The following MND1 variants were observed in gnomAD, a reference collection of about 807,000 sequenced individuals.
MND1 encodes the protein meiotic nuclear division protein 1 homolog.
In MND1, 28 loss-of-function variants were observed where a neutral mutation model predicts 35.1. The ratio of observed to expected loss-of-function variants is 0.80; its 90% CI spans 0.59 to 1.09. The LOEUF is 1.09. Among genes scored for constraint, MND1 ranks in the 50% least tolerant of loss-of-function variants. The pLI, the probability that MND1 is intolerant of heterozygous loss-of-function variation, is 0.00. For missense variants in MND1, 213 were observed against 239.6 expected, an observed-to-expected ratio of 0.89 and a Z score of 0.73; for synonymous variants, 69 against 70.5, an observed-to-expected ratio of 0.98 and a Z score of 0.11.
chr4:153,407,458 T>G (rs1432915290), intron 6 of MND1, among the ~76,000 whole-genome samples: 1 of 151,818 alleles, frequency 6.6e-6, no homozygotes, highest in Non-Finnish European at 1.5e-5. Context: ...CAAAACTCCA[T>G]CTCAAAAAAA....
chr4:153,376,364 T>C lies in MND1; in HGVS notation c.276+17742T>C, dbSNP rs1481387520. ...TTGTGGTCTTTCTGAATATTTTTTC[T>C]AAGGAAAAGCCAGGTAAAAATGTGT... is the stretch of plus-strand genomic sequence containing the variant. On this transcript the variant is annotated intron_variant, in intron 4 of 7. Coordinates refer to ENST00000240488, the MANE Select transcript of MND1 (RefSeq NM_032117.4). Among the ~76,000 whole-genome samples the C allele has an allele frequency of 2.0e-5, 3 of 152,302 alleles. No homozygotes were observed. The East Asian group carries it at 5.8e-4, about 29-fold the overall frequency.
Position 153,344,698 on chromosome 4 carries a change from A to C in MND1, c.-40A>C. The C allele has an allele frequency of 1.3e-6, 2 of 1,570,518 alleles. No homozygotes were observed. The highest frequency in any genetic ancestry group is 1.7e-6 in the Non-Finnish European group (2 of 1,160,090). On this transcript the variant is annotated 5_prime_UTR_variant, in exon 1 of 8. Coordinates refer to ENST00000240488, the MANE Select transcript of MND1 (RefSeq NM_032117.4). ...CCTGGCCTGTCCCGCCCCTCTCCCC[A>C]AGCGCGGGCCCGGCCAGCGGAAGCC...
At chr4:153,364,402 G>A (rs748202470) in intron 4 of MND1, among the ~76,000 whole-genome samples, 2 of 151,990 alleles carry the variant, frequency 1.3e-5, no homozygotes, top group South Asian at 2.1e-4. Context: ...CTGTGGTCCC[G>A]GCTATTCGAG....
At chr4:153,386,940 G>A in intron 4 of MND1, among the ~76,000 whole-genome samples, 1 of 152,170 alleles carries the variant, frequency 6.6e-6, no homozygotes, top group East Asian at 1.9e-4. Flanking sequence ...GGTGTTGTAG[G>A]GATGGTGCAG....
At chr4:153,355,754 G>C (rs774178885) in intron 3 of MND1, 43 bp downstream of exon 3, 1 of 1,164,264 alleles carries the variant, frequency 8.6e-7, no homozygotes, top group South Asian at 1.3e-5. Flanking sequence ...GAAATATACT[G>C]GGATGTTTTG....
At chr4:153,408,912 G>GTGTATATATATATA (rs936713652) in intron 6 of MND1, 59 bp from the exon 7 acceptor site, 4 of 281,220 alleles carry the variant, frequency 1.4e-5, no homozygotes, top group African/African-American at 1.0e-4. Context: ...CATTTTGTGT[G>GTGTATATATATATA]TATATATATA....
intron 2 of MND1, among the ~76,000 whole-genome samples, chr4:153,355,061 G>C (rs1417441685): frequency 6.6e-6 from 1 of 152,088 alleles, no homozygotes; most frequent in Non-Finnish European, 1.5e-5. Flanking sequence ...CTACTCAGGA[G>C]GCTGAAGTGG....
intron 4 of MND1, among the ~76,000 whole-genome samples, chr4:153,371,304 G>A (rs1389926365): frequency 1.3e-5 from 2 of 152,050 alleles, no homozygotes; most frequent in African/African-American, 4.8e-5. Flanking sequence ...TCTAATAAGA[G>A]TGTCAAGTGT....
At chr4:153,359,181 T>C (rs985119250) in intron 4 of MND1, among the ~76,000 whole-genome samples, 1 of 152,206 alleles carries the variant, frequency 6.6e-6, no homozygotes, top group East Asian at 1.9e-4. Context: ...AAAAATCCGC[T>C]GTTTCCTACT....
At chr4:153,357,912 A>C (rs1182680405) in intron 3 of MND1, among the ~76,000 whole-genome samples, 1 of 152,188 alleles carries the variant, frequency 6.6e-6, no homozygotes, top group African/African-American at 2.4e-5. Context: ...TTATTTAGAA[A>C]AGGAAAAGAT....
intron 2 of MND1, among the ~76,000 whole-genome samples, chr4:153,351,097 A>G (rs756787730): frequency 6.6e-6 from 1 of 152,182 alleles, no homozygotes; most frequent in Non-Finnish European, 1.5e-5. Context: ...TGAAGTCTCT[A>G]TGTGAAAATT....
intron 4 of MND1, chr4:153,381,581 C>T (rs1309559300): frequency 7.2e-6 from 1 of 139,014 alleles, no homozygotes; most frequent in African/African-American, 2.7e-5. Context: ...GTTTTGCTGC[C>T]CCCAAAGCAT....
intron 4 of MND1, among the ~76,000 whole-genome samples, chr4:153,359,059 C>T (rs895795196): frequency 3.9e-5 from 6 of 152,060 alleles, no homozygotes; most frequent in East Asian, 1.9e-4. Context: ...AACTAAATTC[C>T]GTAGCTTACA....
intron 4 of MND1, among the ~76,000 whole-genome samples, chr4:153,393,876 C>T (rs1424442446): frequency 2.6e-5 from 3 of 116,734 alleles, no homozygotes; most frequent in African/African-American, 6.6e-5. Context: ...CCTTGGTTTT[C>T]TTCAAATTGG....
intron 2 of MND1, among the ~76,000 whole-genome samples, chr4:153,352,767 AAC>A (rs1281327036): frequency 3.4e-5 from 5 of 146,066 alleles, no homozygotes; most frequent in Non-Finnish European, 6.0e-5. Context: ...AAAAAAAAAA[AAC>A]ACAACGATAT....
intron 4 of MND1, among the ~76,000 whole-genome samples, chr4:153,393,336 GA>G (rs1183800573): frequency 6.7e-6 from 1 of 148,610 alleles, no homozygotes; most frequent in Non-Finnish European, 1.5e-5. Context: ...TTATATAAAA[GA>G]TTTTTTTGGA....
At chr4:153,388,208 G>A (rs1166081675) in intron 4 of MND1, among the ~76,000 whole-genome samples, 3 of 152,202 alleles carry the variant, frequency 2.0e-5, no homozygotes, top group Non-Finnish European at 2.9e-5. Context: ...TGAAATCCTA[G>A]GCTGGGCGTG....
chr4:153,384,483 G>A (rs1461615407), intron 4 of MND1, among the ~76,000 whole-genome samples: 2 of 111,370 alleles, frequency 1.8e-5, no homozygotes, highest in Non-Finnish European at 3.6e-5. Flanking sequence ...GTCAGAGATA[G>A]GGTCTTGCTC....
intron 2 of MND1, among the ~76,000 whole-genome samples, chr4:153,354,741 G>T (rs1228626807): frequency 3.9e-5 from 6 of 152,134 alleles, no homozygotes; most frequent in Non-Finnish European, 8.8e-5. Flanking sequence ...TCCAGCTCTT[G>T]AGCTCAAGCA....
Sources: gnomAD v4.1 joint callset for allele counts (sites outside exome capture counted in the v4.1 genomes callset) on GRCh38, gnomAD v4.1.1 for gene constraint, MANE v1.5 for transcripts, NCBI Gene and HGNC (gene_info 2026-07-23, HGNC 2026-07-21) for gene names.